Variants in GSR observed in about 807,000 individuals in gnomAD.
GSR encodes the protein glutathione reductase, mitochondrial.
In GSR, 48 loss-of-function variants were observed where a neutral mutation model predicts 56.5. The ratio of observed to expected loss-of-function variants is 0.85; its 90% CI spans 0.67 to 1.08. GSR has a LOEUF of 1.08. GSR is among the 50% of genes least tolerant of loss of function. The probability of loss-of-function intolerance (pLI) is 0.00; values close to 1 mark genes in which losing one functional copy is unlikely to be tolerated. For synonymous variants in GSR, 264 were observed against 270.8 expected (o/e 0.97, Z 0.25); for missense variants, 694 against 703.3 (o/e 0.99, Z 0.15).
At chr8:30,686,678 G>A (rs918346252) in intron 9 of GSR, among the ~76,000 whole-genome samples, 2 of 152,070 alleles carry the variant, frequency 1.3e-5, no homozygotes, top group African/African-American at 4.8e-5. Context: ...CTAGGTGACA[G>A]AGCAAGACCC....
In GSR at chr8:30,678,637, C is replaced by G. The variant is rs1487359822; in HGVS notation, c.*883G>C. On this transcript the variant is annotated 3_prime_UTR_variant, in exon 13 of 13. Transcript: ENST00000221130. ...TCGGCCTCCCAAAGTGCTAGAATTA[C>G]AGGCCTGAGCCACCGTGCCTTGCCA... 1 of 151,748 alleles carries G rather than the reference C, an allele frequency of 6.6e-6. No homozygotes were observed. Among genetic ancestry groups the G allele is most frequent in the Non-Finnish European group, 1.5e-5 (1 of 67,996 alleles). The allele number at this position is 151,748 out of a possible 1,614,324, so 9.4% of individuals were successfully genotyped here.
At chr8:30,696,889 G>A (rs988266593) in intron 6 of GSR, among the ~76,000 whole-genome samples, 4 of 152,118 alleles carry the variant, frequency 2.6e-5, no homozygotes, top group Non-Finnish European at 5.9e-5. Flanking sequence ...TGTAGAGACA[G>A]AGTCTCACCA....
At chr8:30,725,406 AT>A (rs1804691764) in intron 1 of GSR, among the ~76,000 whole-genome samples, 1 of 151,590 alleles carries the variant, frequency 6.6e-6, no homozygotes, top group Non-Finnish European at 1.5e-5. Context: ...TCTACTAAAA[AT>A]ACAAAAGTTA....
intron 11 of GSR, 148 bp downstream of exon 11, chr8:30,681,782 A>C (rs1802968516): frequency 5.4e-6 from 4 of 738,054 alleles, no homozygotes; most frequent in Non-Finnish European, 9.5e-6. Context: ...CAGGGGAGAA[A>C]ACTGGAACTG....
At chr8:30,693,763 A>G (rs188164941) in intron 7 of GSR, among the ~76,000 whole-genome samples, 18 of 152,310 alleles carry the variant, frequency 1.2e-4, no homozygotes, top group Non-Finnish European at 1.9e-4. Flanking sequence ...TCCTGACCTC[A>G]GGTGATCCGC....
intron 6 of GSR, among the ~76,000 whole-genome samples, chr8:30,696,984 C>G (rs928734367): frequency 4.6e-5 from 7 of 152,150 alleles, no homozygotes; most frequent in Non-Finnish European, 8.8e-5. Flanking sequence ...CAGGTGTAAG[C>G]TACCTTGCCT....
intron 9 of GSR, among the ~76,000 whole-genome samples, chr8:30,688,700 G>A (rs908758618): frequency 4.0e-5 from 6 of 151,062 alleles, no homozygotes; most frequent in African/African-American, 4.9e-5. Flanking sequence ...TGAGATGGGC[G>A]AATCGCTTGA....
chr8:30,720,164 T>TATTG (rs1490502675), intron 1 of GSR, among the ~76,000 whole-genome samples: 2 of 151,998 alleles, frequency 1.3e-5, no homozygotes, highest in Non-Finnish European at 2.9e-5. Flanking sequence ...CCATGAGCTA[T>TATTG]ATTGCACCAC....
At chr8:30,709,364 TAACA>T (rs1339764268) in intron 3 of GSR, among the ~76,000 whole-genome samples, 3 of 152,034 alleles carry the variant, frequency 2.0e-5, no homozygotes, top group Non-Finnish European at 2.9e-5. Flanking sequence ...GACCCTGTCT[TAACA>T]AACAAACAAA....
chr8:30,683,996 T>G lies in GSR; in HGVS notation c.1153+92A>C, dbSNP rs552313104. ...TATAAAGACACTCATCCTTTTAACT[T>G]TGCTTAAGCAGACTGCAGATTTGAC... On this transcript the variant is annotated intron_variant, in intron 10 of 12. Coordinates refer to ENST00000221130, the MANE Select transcript of GSR (RefSeq NM_000637.5). The G allele has an allele frequency of 1.7e-3, 1,304 of 788,446 alleles. 4 individuals are homozygous for G. Among genetic ancestry groups the G allele is most frequent in the Non-Finnish European group, 2.3e-3 (963 of 426,338 alleles). 48.8% of individuals were successfully genotyped at this position (788,446 alleles called of 1,614,324 possible). A position where few individuals can be genotyped will look rare whatever the true frequency, so the allele number is the denominator to read the frequency against.
chr8:30,693,696 C>T (rs2978667), intron 7 of GSR, among the ~76,000 whole-genome samples: 118,851 of 152,090 alleles, frequency 0.78, 46,804 homozygotes, highest in South Asian at 0.87. Context: ...GCCTGGCTAA[C>T]TTTTCTATTT....
intron 1 of GSR, chr8:30,727,070 C>T (rs1804750665): frequency 6.4e-6 from 1 of 155,150 alleles, no homozygotes; most frequent in Admixed American, 6.5e-5. Context: ...TGACAACAAC[C>T]GCTATAAATC....
At chr8:30,679,858 A>C (rs1046239814) in intron 12 of GSR, among the ~76,000 whole-genome samples, 189 bp from the exon 13 acceptor site, 2 of 151,560 alleles carry the variant, frequency 1.3e-5, no homozygotes, top group African/African-American at 4.8e-5. Flanking sequence ...GGCGCGCACC[A>C]CCACGCCTGG....
intron 8 of GSR, 103 bp downstream of exon 8, chr8:30,692,866 G>C (rs190498407): frequency 1.2e-5 from 9 of 775,440 alleles, no homozygotes; most frequent in Non-Finnish European, 1.9e-5. Context: ...TATATGGACC[G>C]GGGTAGACAT....
In GSR at chr8:30,678,197, T is replaced by C. The variant is rs1278405677; in HGVS notation, c.*1323A>G. ...AACACTTAGCAGAGGAAGGGACTTT[T>C]GATGTATTTGAATCCACCTCCTTCT... On this transcript the variant is annotated 3_prime_UTR_variant, in exon 13 of 13. Coordinates refer to ENST00000221130, the MANE Select transcript of GSR (RefSeq NM_000637.5). 1 of 151,986 alleles carries C rather than the reference T, an allele frequency of 6.6e-6. No homozygotes were observed. The highest frequency in any genetic ancestry group is 1.5e-5 in the Non-Finnish European group (1 of 67,990). 9.4% of individuals were successfully genotyped at this position (151,986 alleles called of 1,614,324 possible).
chr8:30,690,473 T>C (rs1334402370), intron 8 of GSR, among the ~76,000 whole-genome samples: 1 of 152,116 alleles, frequency 6.6e-6, no homozygotes, highest in Non-Finnish European at 1.5e-5. Flanking sequence ...CTCTGTATAT[T>C]CTTAATTGGA....
In GSR at chr8:30,727,781, C is replaced by G; in HGVS notation, c.55G>C (p.Ala19Pro). 1 of 1,355,606 alleles carries G rather than the reference C, an allele frequency of 7.4e-7. No homozygotes were observed. The highest frequency in any genetic ancestry group is 1.7e-5 in the South Asian group (1 of 57,692). 84.0% of individuals were successfully genotyped at this position (1,355,606 alleles called of 1,614,324 possible). ...AGGAAGCCTCGGAAGGCGCGCGCCGCCCGCCGCCAGCTCGGTCCCGCGCCG... is the reference window on the plus strand; with the variant it reads ...AGGAAGCCTCGGAAGGCGCGCGCCGGCCGCCGCCAGCTCGGTCCCGCGCCG... Reference protein sequence around the residue: ...SAGAGPSWRRAARAFRGFLLL... With the variant: ...SAGAGPSWRRPARAFRGFLLL... The change falls in exon 1 of 13, where the codon GCG (alanine) becomes CCG (proline). Residue 19 changes from alanine to proline, a missense_variant. By Grantham distance (27) the Ala-to-Pro change is conservative. Transcript: ENST00000221130.
At chr8:30,710,686 C>T (rs1804099536) in intron 2 of GSR, among the ~76,000 whole-genome samples, 1 of 111,976 alleles carries the variant, frequency 8.9e-6, no homozygotes, top group African/African-American at 3.3e-5. Context: ...CACTGCATTC[C>T]GGCCTGGGCA....
At chr8:30,702,966 G>T in intron 5 of GSR, 127 bp downstream of exon 5, 1 of 974,972 alleles carries the variant, frequency 1.0e-6, no homozygotes, top group Non-Finnish European at 1.6e-6. Context: ...GTTCTGCAGA[G>T]ACCTTCTCCC....
Sources: allele counts gnomAD v4.1 joint callset (sites outside exome capture counted in the v4.1 genomes callset), GRCh38; gene constraint gnomAD v4.1.1; transcripts MANE v1.5; gene names NCBI Gene and HGNC (gene_info 2026-07-23, HGNC 2026-07-21).